Variants in SIX6 observed in about 807,000 individuals in gnomAD.
SIX6 encodes the protein homeobox protein SIX6.
A neutral mutation model predicts 23.6 loss-of-function variants in SIX6; 14 were observed. That is an observed-to-expected ratio of 0.59 (90% CI 0.39 to 0.93). SIX6 has a LOEUF of 0.93. SIX6 is among the 40% of genes least tolerant of loss of function. The pLI, the probability that SIX6 is intolerant of heterozygous loss-of-function variation, is 0.00. For missense variants in SIX6, 307 were observed against 325.6 expected, an observed-to-expected ratio of 0.94 and a Z score of 0.44; for synonymous variants, 128 against 144.9, an observed-to-expected ratio of 0.88 and a Z score of 0.84.
chr14:60,510,019 G>A (rs1339536699), intron 1 of SIX6, 49 bp downstream of exon 1: 3 of 1,504,664 alleles, frequency 2.0e-6, no homozygotes, highest in South Asian at 2.4e-5. Flanking sequence ...GGAGGAGGCG[G>A]GTGGAGGCAC....
intron 1 of SIX6, 37 bp downstream of exon 1, chr14:60,510,007 G>C (rs750494627): frequency 1.3e-6 from 2 of 1,553,190 alleles, no homozygotes; most frequent in East Asian, 2.4e-5. Flanking sequence ...TGAGCGCACC[G>C]GGGAGGAGGC....
Position 60,509,257 on chromosome 14 carries a change from C to T in SIX6, c.-142C>T. The T allele has an allele frequency of 1.4e-6, 1 of 730,890 alleles. No individual in the cohort carries two copies. Among genetic ancestry groups the T allele is most frequent in the South Asian group, 1.6e-5 (1 of 61,248 alleles). The allele number at this position is 730,890 out of a possible 1,614,324, so 45.3% of individuals were successfully genotyped here. ...GGGTCGTCCGCTCCCGGCCGTTGAG[C>T]CACCGCCGCCACCCGGTAGTGTGTC... On this transcript the variant is annotated 5_prime_UTR_variant, in exon 1 of 2. Coordinates refer to ENST00000327720, the MANE Select transcript of SIX6 (RefSeq NM_007374.3).
In SIX6 at chr14:60,512,023, CTATACAAACATA is replaced by C. The variant is rs1893302709; in HGVS notation, c.*773_*784del. On this transcript the variant is annotated 3_prime_UTR_variant, in exon 2 of 2. Coordinates refer to ENST00000327720, the MANE Select transcript of SIX6 (RefSeq NM_007374.3). ...CACGTATGTGCATATATGTATGTAC[CTATACAAACATA>C]TGTATGTACCTATACAAACATATGT... 1.8e-3 allele frequency: 7 copies of C among 3,940 alleles called. No homozygotes were observed. Among genetic ancestry groups the C allele is most frequent in the Non-Finnish European group, 7.7e-3 (5 of 652 alleles). 0.2% of individuals were successfully genotyped at this position (3,940 alleles called of 1,614,324 possible). A position where few individuals can be genotyped will look rare whatever the true frequency, so the allele number is the denominator to read the frequency against.
chr14:60,509,243 T>C lies in SIX6; in HGVS notation c.-156T>C. ...ACCTCCTCCAGTCGGGGTCGTCCGCTCCCGGCCGTTGAGCCACCGCCGCCA... is the reference window on the plus strand; with the variant it reads ...ACCTCCTCCAGTCGGGGTCGTCCGCCCCCGGCCGTTGAGCCACCGCCGCCA... On this transcript the variant is annotated 5_prime_UTR_variant, in exon 1 of 2. Coordinates refer to ENST00000327720, the MANE Select transcript of SIX6 (RefSeq NM_007374.3). 1.5e-6 allele frequency: 1 copy of C among 679,322 alleles called. No individual in the cohort carries two copies. The highest frequency in any genetic ancestry group is 1.7e-5 in the South Asian group (1 of 58,186). 42.1% of individuals were successfully genotyped at this position (679,322 alleles called of 1,614,324 possible). A position where few individuals can be genotyped will look rare whatever the true frequency, so the allele number is the denominator to read the frequency against.
rs1893292801 is a variant in SIX6, at chr14:60,511,397, C to G, written c.*145C>G. ...GACCCGCGGGCTCGGGTTGCCGTTTCCCGCCCCACCCCGCGGCCGGCCTGG... is the reference window on the plus strand; with the variant it reads ...GACCCGCGGGCTCGGGTTGCCGTTTGCCGCCCCACCCCGCGGCCGGCCTGG... On this transcript the variant is annotated 3_prime_UTR_variant, in exon 2 of 2. Transcript: ENST00000327720. 8 of 956,082 alleles carry G rather than the reference C, an allele frequency of 8.4e-6. No homozygotes were observed. In the Admixed American group the frequency reaches 1.6e-4, roughly 19 times the overall value. 59.2% of individuals were successfully genotyped at this position (956,082 alleles called of 1,614,324 possible).
rs1260016540 is a variant in SIX6 at position 60,512,629 on chromosome 14, A to G, written c.*1377A>G. 2.6e-5 allele frequency: 4 copies of G among 152,222 alleles called. No individual in the cohort carries two copies. Among genetic ancestry groups the G allele is most frequent in the African/African-American group, 9.6e-5 (4 of 41,456 alleles). The allele number at this position is 152,222 out of a possible 1,614,324, so 9.4% of individuals were successfully genotyped here. A position where few individuals can be genotyped will look rare whatever the true frequency, so the allele number is the denominator to read the frequency against. On this transcript the variant is annotated 3_prime_UTR_variant, in exon 2 of 2. Coordinates refer to ENST00000327720, the MANE Select transcript of SIX6 (RefSeq NM_007374.3). ...CATAGAACAAGTCATCAAGGGCCTCATTGTCCTGGTAATGGCCTCGATTAA... is the reference window on the plus strand; with the variant it reads ...CATAGAACAAGTCATCAAGGGCCTCGTTGTCCTGGTAATGGCCTCGATTAA...
In SIX6 at chr14:60,509,990, C is replaced by A; in HGVS notation, c.572+20C>A. The A allele has an allele frequency of 6.3e-7, 1 of 1,580,432 alleles. No homozygotes were observed. Among genetic ancestry groups the A allele is most frequent in the South Asian group, 1.1e-5 (1 of 87,422 alleles). On this transcript the variant is annotated intron_variant, in intron 1 of 1. Coordinates refer to ENST00000327720, the MANE Select transcript of SIX6 (RefSeq NM_007374.3). The stretch of plus-strand genomic sequence containing the variant: ...GAACAGGTCGGTACCTAGAGGCCTC[C>A]GCGCTTTGAGCGCACCGGGGAGGAG...
At position 60,511,567 on chromosome 14, in the gene SIX6, G is replaced by A; in HGVS notation, c.*315G>A. 1 of 528,894 alleles carries A rather than the reference G, an allele frequency of 1.9e-6. No homozygotes were observed. The highest frequency in any genetic ancestry group is 1.9e-5 in the African/African-American group (1 of 52,596). 32.8% of individuals were successfully genotyped at this position (528,894 alleles called of 1,614,324 possible). A position where few individuals can be genotyped will look rare whatever the true frequency, so the allele number is the denominator to read the frequency against. On this transcript the variant is annotated 3_prime_UTR_variant, in exon 2 of 2. Coordinates refer to ENST00000327720, the MANE Select transcript of SIX6 (RefSeq NM_007374.3). ...GAACTGCAAGCTGAGCGCCTGCCCA[G>A]ATTCTCCCATGGGTATTTCACGTCG... is the stretch of plus-strand genomic sequence containing the variant.
Position 60,511,133 on chromosome 14 carries a change from G to A in SIX6, c.622G>A (p.Glu208Lys), listed in dbSNP as rs146372482. 2 of 1,612,874 alleles carry A rather than the reference G, an allele frequency of 1.2e-6. No individual in the cohort carries two copies. Among genetic ancestry groups the A allele is most frequent in the Non-Finnish European group, 1.7e-6 (2 of 1,179,870 alleles). The change falls in exon 2 of 2, where the codon GAG (glutamate) becomes AAG (lysine). Residue 208 changes from glutamate to lysine, a missense_variant. Transcript: ENST00000327720. ...SQGSGRALRA[E>K]GDGTPEVLGV... Reference sequence around the variant, plus strand: ...GGGTTCCGGGCGGGCACTACGGGCGGAGGGCGACGGCACGCCAGAGGTGCT... The same window carrying A: ...GGGTTCCGGGCGGGCACTACGGGCGAAGGGCGACGGCACGCCAGAGGTGCT...
chr14:60,509,594 A>G lies in SIX6; in HGVS notation c.196A>G (p.Asn66Asp), dbSNP rs1041005718. Residue 66 changes from asparagine to aspartate, a missense_variant, in exon 1 of 2, where the codon AAC becomes GAC. Asn to Asp is a conservative substitution (Grantham distance 23). Coordinates refer to ENST00000327720, the MANE Select transcript of SIX6 (RefSeq NM_007374.3). ...ARAIVAFHGG[N>D]YRELYHILEN... ...AGCCATCGTGGCCTTTCACGGTGGC[A>G]ACTACCGCGAGCTCTATCATATCCT... 6.8e-6 allele frequency: 11 copies of G among 1,613,350 alleles called. No individual in the cohort carries two copies. Among genetic ancestry groups the G allele is most frequent in the Non-Finnish European group, 9.3e-6 (11 of 1,180,014 alleles).
Position 60,509,189 on chromosome 14 carries a change from G to C in SIX6, c.-210G>C, listed in dbSNP as rs1357912451. 1.7e-6 allele frequency: 1 copy of C among 590,318 alleles called. No individual in the cohort carries two copies. Among genetic ancestry groups the C allele is most frequent in the Non-Finnish European group, 3.0e-6 (1 of 331,886 alleles). 36.6% of individuals were successfully genotyped at this position (590,318 alleles called of 1,614,324 possible). A position where few individuals can be genotyped will look rare whatever the true frequency, so the allele number is the denominator to read the frequency against. ...CCTGCCGGCGTGCCTGAGCCGAGCC[G>C]AGCCCGAACCCCAAGCCGCGGAGCC... On this transcript the variant is annotated 5_prime_UTR_variant, in exon 1 of 2. Coordinates refer to ENST00000327720, the MANE Select transcript of SIX6 (RefSeq NM_007374.3).
chr14:60,511,263 C>T lies in SIX6; in HGVS notation c.*11C>T. 1 of 1,612,984 alleles carries T rather than the reference C, an allele frequency of 6.2e-7. No homozygotes were observed. The highest frequency in any genetic ancestry group is 1.1e-5 in the South Asian group (1 of 91,076). ...GAGTGCGACATCTGAGTTGCCCATCCAGGATGCTCAGAAGCAGATTCCAGT... is the reference window on the plus strand; with the variant it reads ...GAGTGCGACATCTGAGTTGCCCATCTAGGATGCTCAGAAGCAGATTCCAGT... On this transcript the variant is annotated 3_prime_UTR_variant, in exon 2 of 2. Coordinates refer to ENST00000327720, the MANE Select transcript of SIX6 (RefSeq NM_007374.3).
Position 60,511,469 on chromosome 14 carries a change from C to A in SIX6, c.*217C>A, listed in dbSNP as rs903604359. The stretch of plus-strand genomic sequence containing the variant: ...GCGACCACGGGAACCAGCGGTGAGG[C>A]CTGACCCAGCACCACGTTCTTCTTG... On this transcript the variant is annotated 3_prime_UTR_variant, in exon 2 of 2. Transcript: ENST00000327720. 6.4e-6 allele frequency: 4 copies of A among 624,568 alleles called. No individual in the cohort carries two copies. Among genetic ancestry groups the A allele is most frequent in the East Asian group, 2.7e-5 (1 of 36,494 alleles). 38.7% of individuals were successfully genotyped at this position (624,568 alleles called of 1,614,324 possible). A position where few individuals can be genotyped will look rare whatever the true frequency, so the allele number is the denominator to read the frequency against.
In SIX6 at chr14:60,509,916, G is replaced by A; in HGVS notation, c.518G>A (p.Gly173Asp). Residue 173 changes from glycine to aspartate, a missense_variant, in exon 1 of 2, where the codon GGC (glycine) becomes GAC (aspartate). Coordinates refer to ENST00000327720, the MANE Select transcript of SIX6 (RefSeq NM_007374.3). ...ACCGGACTGACCCCTACGCAGGTGGGCAACTGGTTCAAAAACCGCCGACAA... is the reference window on the plus strand; with the variant it reads ...ACCGGACTGACCCCTACGCAGGTGGACAACTGGTTCAAAAACCGCCGACAA... ...QATGLTPTQV[G>D]NWFKNRRQRD... The A allele has an allele frequency of 1.9e-6, 3 of 1,611,670 alleles. No homozygotes were observed. The highest frequency in any genetic ancestry group is 2.2e-5 in the East Asian group (1 of 44,770).
Position 60,509,381 on chromosome 14 carries a change from G to T in SIX6, c.-18G>T. 6.3e-7 allele frequency: 1 copy of T among 1,598,136 alleles called. No homozygotes were observed. Among genetic ancestry groups the T allele is most frequent in the African/African-American group, 1.3e-5 (1 of 75,030 alleles). On this transcript the variant is annotated 5_prime_UTR_variant, in exon 1 of 2. Transcript: ENST00000327720. The stretch of plus-strand genomic sequence containing the variant: ...CCGCTCCGGGCTCAGTGCCCTCGCC[G>T]CCGCCGGCACTGCCTCGATGTTCCA...
Position 60,511,205 on chromosome 14 carries a change from AC to A in SIX6, c.695del (p.Thr232IlefsTer29). The A allele has an allele frequency of 6.2e-7, 1 of 1,613,246 alleles. No homozygotes were observed. The highest frequency in any genetic ancestry group is 8.5e-7 in the Non-Finnish European group (1 of 1,179,940). On this transcript the variant is annotated frameshift_variant, in exon 2 of 2. Transcript: ENST00000327720. LOFTEE classifies it high-confidence loss of function. ...CGCCAGTCTATCCAGCAAGGCGGCC[AC>A]TTCAGCCATCTCCATCACGTCCAGC... ...PAASLSSKAA[T>X]SAISITSSDS...
intron 1 of SIX6, among the ~76,000 whole-genome samples, chr14:60,510,590 T>C (rs1484870570): frequency 1.3e-5 from 2 of 152,042 alleles, no homozygotes; most frequent in African/African-American, 4.8e-5. Context: ...CCCGGCCTCA[T>C]CCCCCAGGCC....
At position 60,509,795 on chromosome 14, in the gene SIX6, C is replaced by G. The variant is rs764754489; in HGVS notation, c.397C>G (p.His133Asp). 1.9e-6 allele frequency: 3 copies of G among 1,613,478 alleles called. No individual in the cohort carries two copies. The South Asian group carries it at 3.3e-5, about 18-fold the overall frequency. Residue 133 changes from histidine to aspartate, a missense_variant, in exon 1 of 2, where the codon CAC (histidine) becomes GAC (aspartate). By Grantham distance (81) the His-to-Asp change is moderately conservative. Coordinates refer to ENST00000327720, the MANE Select transcript of SIX6 (RefSeq NM_007374.3). ...CATTTGGGACGGCGAACAGAAGACA[C>G]ACTGCTTCAAGGAGCGCACGCGGCA... ...RTIWDGEQKTHCFKERTRHLL... is the reference protein window; with the variant it reads ...RTIWDGEQKTDCFKERTRHLL...
At chr14:60,511,061 C>G in intron 1 of SIX6, 23 bp from the exon 2 acceptor site, 2 of 1,610,528 alleles carry the variant, frequency 1.2e-6, no homozygotes, top group Non-Finnish European at 8.5e-7. Flanking sequence ...AGCTGTGACC[C>G]GTGTTCCCTT....
Sources: gnomAD v4.1 joint callset for allele counts (sites outside exome capture counted in the v4.1 genomes callset) on GRCh38, gnomAD v4.1.1 for gene constraint, MANE v1.5 for transcripts, NCBI Gene and HGNC (gene_info 2026-07-23, HGNC 2026-07-21) for gene names.